Variants in SRBD1 observed in about 807,000 individuals in gnomAD.
SRBD1 encodes the protein S1 RNA binding domain 1, also known as S1 RNA-binding domain-containing protein 1.
A neutral mutation model predicts 115.3 loss-of-function variants in SRBD1; 88 were observed. The observed-to-expected ratio is 0.76, with a 90% CI of 0.64 to 0.91. The LOEUF is 0.91. Ranked by LOEUF, SRBD1 falls within the 40% of genes least tolerant of loss-of-function variation. The probability of loss-of-function intolerance (pLI) is 0.00; values close to 1 mark genes in which losing one functional copy is unlikely to be tolerated. For synonymous variants in SRBD1, 509 were observed against 407.7 expected (o/e 1.25, Z -2.99); for missense variants, 1,385 against 1,177.4 (o/e 1.18, Z -2.58).
At chr2:45,589,609 A>G (rs1276354685) in intron 4 of SRBD1, among the ~76,000 whole-genome samples, 1 of 152,222 alleles carries the variant, frequency 6.6e-6, no homozygotes, top group African/African-American at 2.4e-5. Flanking sequence ...CAGACACTGG[A>G]TGGTACTAGG....
rs1048885244 is a variant in SRBD1 at position 45,565,948 on chromosome 2, A to G, written c.1306-3192T>C. Reference sequence around the variant, plus strand: ...GCCACAACCCAATTTAAAATGTACAAAAGATCTGAAGAGGTATTTGTTCAA... The same window carrying G: ...GCCACAACCCAATTTAAAATGTACAGAAGATCTGAAGAGGTATTTGTTCAA... On this transcript the variant is annotated intron_variant, in intron 9 of 20. Coordinates refer to ENST00000263736, the MANE Select transcript of SRBD1 (RefSeq NM_018079.5). Among the ~76,000 whole-genome samples the G allele has an allele frequency of 4.6e-5, 7 of 152,352 alleles. No individual in the cohort carries two copies. In the East Asian group the frequency reaches 7.7e-4, roughly 17 times the overall value.
intron 18 of SRBD1, among the ~76,000 whole-genome samples, chr2:45,415,803 G>C (rs914619846): frequency 8.4e-6 from 1 of 118,380 alleles, no homozygotes; most frequent in African/African-American, 3.0e-5. Context: ...GGAGAGGAGA[G>C]GAGAGGAGAG....
chr2:45,537,686 G>A (rs886079489), intron 14 of SRBD1, among the ~76,000 whole-genome samples: 1 of 152,166 alleles, frequency 6.6e-6, no homozygotes, highest in Non-Finnish European at 1.5e-5. Context: ...TGATTGGGAT[G>A]CTATGCCATT....
At position 45,602,103 on chromosome 2, in the gene SRBD1, A is replaced by T. The variant is rs556914248; in HGVS notation, c.81-20T>A. ...GATGATCTAGAAGTAAATCAACAGA[A>T]TAATCTCCAGGAAAAATAAAAGCAA... On this transcript the variant is annotated intron_variant, in intron 2 of 20. Transcript: ENST00000263736. 6.3e-7 allele frequency: 1 copy of T among 1,582,444 alleles called. No homozygotes were observed. The highest frequency in any genetic ancestry group is 8.6e-7 in the Non-Finnish European group (1 of 1,166,542).
chr2:45,433,014 T>C (rs1414756619), intron 16 of SRBD1, among the ~76,000 whole-genome samples: 1 of 152,202 alleles, frequency 6.6e-6, no homozygotes, highest in Admixed American at 6.5e-5. Flanking sequence ...GACTACAGTT[T>C]CTAGAACAAC....
rs892423147 is a variant in SRBD1, at chr2:45,407,234, T to G, written c.2513+5880A>C. On this transcript the variant is annotated intron_variant, in intron 19 of 20. Coordinates refer to ENST00000263736, the MANE Select transcript of SRBD1 (RefSeq NM_018079.5). ...TCTAACATGCTTGGTAATGAGGAAG[T>G]AGTCAATGAAGGTTGTTTGTACTGG... 4.6e-5 allele frequency among the ~76,000 whole-genome samples: 7 copies of G among 152,296 alleles called. 1 individual carries two copies. The South Asian group carries it at 1.5e-3, about 32-fold the overall frequency.
intron 19 of SRBD1, among the ~76,000 whole-genome samples, chr2:45,396,815 T>C (rs1241869635): frequency 6.6e-6 from 1 of 152,184 alleles, no homozygotes; most frequent in African/African-American, 2.4e-5. Flanking sequence ...ATTTAGGAGC[T>C]GAGGACTTGG....
intron 15 of SRBD1, among the ~76,000 whole-genome samples, chr2:45,479,784 C>A (rs971499667): frequency 4.6e-5 from 7 of 152,200 alleles, no homozygotes; most frequent in African/African-American, 1.7e-4. Flanking sequence ...ACAAAATAGC[C>A]TTCTCTTGGA....
chr2:45,557,285 G>C (rs571757816), intron 10 of SRBD1, among the ~76,000 whole-genome samples: 59 of 152,154 alleles, frequency 3.9e-4, no homozygotes, highest in Non-Finnish European at 6.5e-4. Context: ...CAGTATGCTA[G>C]ACAGATAGTC....
chr2:45,421,697 A>C lies in SRBD1; in HGVS notation c.2050-1803T>G, dbSNP rs551060231. Reference sequence around the variant, plus strand: ...GGGACAGGAGACTTCTCTTTACCCAACATCAAGGAAAACAAGGAATATAAT... The same window carrying C: ...GGGACAGGAGACTTCTCTTTACCCACCATCAAGGAAAACAAGGAATATAAT... On this transcript the variant is annotated intron_variant, in intron 16 of 20. Transcript: ENST00000263736. Among the ~76,000 whole-genome samples, 3 of 152,198 alleles carry C rather than the reference A, an allele frequency of 2.0e-5. No homozygotes were observed. In the South Asian group the frequency reaches 6.2e-4, roughly 32 times the overall value.
Position 45,600,624 on chromosome 2 carries a change from C to A in SRBD1, c.262-789G>T, listed in dbSNP as rs1011522713. Among the ~76,000 whole-genome samples the A allele has an allele frequency of 2.6e-5, 4 of 152,292 alleles. No individual in the cohort carries two copies. The South Asian group carries it at 8.3e-4, about 32-fold the overall frequency. On this transcript the variant is annotated intron_variant, in intron 3 of 20. Transcript: ENST00000263736. ...ACAAGAGTCCGCACAGCAGCCCACA[C>A]AGGTGTCTAGGGACTACACTCTGCA...
intron 14 of SRBD1, among the ~76,000 whole-genome samples, chr2:45,505,587 T>C (rs964013988): frequency 9.8e-5 from 15 of 152,298 alleles, no homozygotes; most frequent in Non-Finnish European, 2.2e-4. Context: ...AGTCTACAAA[T>C]GAGTATAATT....
chr2:45,473,996 G>A (rs1669729339), intron 16 of SRBD1, among the ~76,000 whole-genome samples: 1 of 152,248 alleles, frequency 6.6e-6, no homozygotes, highest in South Asian at 2.1e-4. Flanking sequence ...ACTGCATTCT[G>A]AAGGAATTCA....
chr2:45,525,230 T>C (rs1671405531), intron 14 of SRBD1, among the ~76,000 whole-genome samples: 1 of 152,024 alleles, frequency 6.6e-6, no homozygotes, highest in African/African-American at 2.4e-5. Flanking sequence ...ACGGTGGATT[T>C]GGCAAAGTGT....
At chr2:45,539,840 A>G (rs1462828879) in intron 14 of SRBD1, among the ~76,000 whole-genome samples, 1 of 152,236 alleles carries the variant, frequency 6.6e-6, no homozygotes, top group Non-Finnish European at 1.5e-5. Context: ...AAAAGGAAAG[A>G]AAGCATCACA....
chr2:45,564,627 T>A (rs977931130), intron 9 of SRBD1, among the ~76,000 whole-genome samples: 14 of 152,224 alleles, frequency 9.2e-5, no homozygotes, highest in African/African-American at 1.4e-4. Context: ...TAATTTTTTT[T>A]AATTCCATTT....
intron 4 of SRBD1, among the ~76,000 whole-genome samples, chr2:45,589,894 G>A (rs746236787): frequency 5.5e-4 from 83 of 152,202 alleles, no homozygotes; most frequent in Non-Finnish European, 9.3e-4. Flanking sequence ...AAAGCAGACA[G>A]ACATGTAAAT....
chr2:45,414,526 A>G lies in SRBD1; in HGVS notation c.2334-1233T>C, dbSNP rs114624236. On this transcript the variant is annotated intron_variant, in intron 18 of 20. Coordinates refer to ENST00000263736, the MANE Select transcript of SRBD1 (RefSeq NM_018079.5). ...GTGTGTGTACACACATAGTGTGTATATAGTGTGTGTACACACATAGTGTCT... is the reference window on the plus strand; with the variant it reads ...GTGTGTGTACACACATAGTGTGTATGTAGTGTGTGTACACACATAGTGTCT... 6.9e-3 allele frequency among the ~76,000 whole-genome samples: 1,021 copies of G among 147,008 alleles called. 14 individuals are homozygous for G. Among genetic ancestry groups the G allele is most frequent in the African/African-American group, 0.025 (972 of 38,926 alleles).
intron 16 of SRBD1, among the ~76,000 whole-genome samples, chr2:45,467,967 T>C (rs1669538771): frequency 6.6e-6 from 1 of 152,120 alleles, no homozygotes; most frequent in Non-Finnish European, 1.5e-5. Flanking sequence ...TAACAAAAGT[T>C]ACAGAGTATA....
Sources: gnomAD v4.1 joint callset for allele counts (sites outside exome capture counted in the v4.1 genomes callset) on GRCh38, gnomAD v4.1.1 for gene constraint, MANE v1.5 for transcripts, NCBI Gene and HGNC (gene_info 2026-07-23, HGNC 2026-07-21) for gene names.